The following NPIPB2 variants were observed in gnomAD, a reference collection of about 807,000 sequenced individuals.
NPIPB2 encodes nuclear pore complex interacting protein family member B2, also known as nuclear pore complex-interacting protein family member B2.
In NPIPB2, 27 loss-of-function variants were observed where a neutral mutation model predicts 30.8. That is an observed-to-expected ratio of 0.88 (90% confidence interval 0.65 to 1.21). The LOEUF (loss-of-function observed/expected upper bound fraction) is 1.21. Ranked by LOEUF, NPIPB2 falls within the 50% of genes most tolerant of loss-of-function variation. The pLI is 0.00. For missense variants in NPIPB2, 440 were observed against 446.2 expected, an observed-to-expected ratio of 0.99 and a Z score of 0.13; for synonymous variants, 147 against 162.0, an observed-to-expected ratio of 0.91 and a Z score of 0.70.
Position 11,965,211 on chromosome 16 carries a change from T to C in NPIPB2, c.-584+11357A>G. On this transcript the variant is annotated intron_variant, in intron 1 of 5. Coordinates refer to the NPIPB2 transcript ENST00000538896. ...GAACCCACGAAGCAGGCGAAGTTCA[T>C]TGTTCTCAACATTCTAGCTGCTCTT... is the stretch of plus-strand genomic sequence containing the variant. 4 of 1,423,814 alleles carry C rather than the reference T, an allele frequency of 2.8e-6. No homozygotes were observed. The South Asian group carries it at 4.0e-5, about 14-fold the overall frequency. 88.2% of individuals were successfully genotyped at this position (1,423,814 alleles called of 1,614,324 possible).
chr16:11,944,792 A>G (rs1368031687), upstream of NPIPB2, among the ~76,000 whole-genome samples: 1 of 151,634 alleles, frequency 6.6e-6, no homozygotes, highest in Non-Finnish European at 1.5e-5. Flanking sequence ...AACATATACA[A>G]AAGAAATAAA....
chr16:11,944,490 C>T (rs1487514081), upstream of NPIPB2, among the ~76,000 whole-genome samples: 8 of 151,036 alleles, frequency 5.3e-5, no homozygotes, highest in East Asian at 2.0e-4. Context: ...AGGCAGAGTG[C>T]GGTAGCTCAC....
Position 11,949,504 on chromosome 16 carries a change from T to C in NPIPB2, c.-583-7390A>G, listed in dbSNP as rs146245039. ...TCTCCTCTTGCCAGGATTTCTGCTA[T>C]TCAAATGCAGCCACAGGAATCCGAG... On this transcript the variant is annotated intron_variant, in intron 1 of 5. Transcript: ENST00000538896. Among the ~76,000 whole-genome samples, 9 of 152,324 alleles carry C rather than the reference T, an allele frequency of 5.9e-5. No homozygotes were observed. The East Asian group carries it at 1.7e-3, about 29-fold the overall frequency.
At chr16:11,969,187 T>C (rs1206274882) in intron 1 of NPIPB2, among the ~76,000 whole-genome samples, 1 of 151,826 alleles carries the variant, frequency 6.6e-6, no homozygotes, top group Non-Finnish European at 1.5e-5. Flanking sequence ...GCTTCTATGG[T>C]TAGGGCGCTT....
chr16:11,956,944 C>A (rs2150932715), intron 1 of NPIPB2, among the ~76,000 whole-genome samples: 1 of 152,252 alleles, frequency 6.6e-6, no homozygotes, highest in South Asian at 2.1e-4. Context: ...TTAGGCAGCA[C>A]CAATTGTTGC....
intron 1 of NPIPB2, chr16:11,967,793 C>G: frequency 6.2e-7 from 1 of 1,614,182 alleles, no homozygotes; most frequent in Middle Eastern, 1.6e-4. Flanking sequence ...ATTGCAAGAG[C>G]CTGCCAGCTG....
At chr16:11,960,976 C>T (rs2055149018) in intron 1 of NPIPB2, among the ~76,000 whole-genome samples, 1 of 151,942 alleles carries the variant, frequency 6.6e-6, no homozygotes. Context: ...AAACGATCCT[C>T]CTGCCTCAGC....
rs150352299 is a variant in NPIPB2, at chr16:11,967,749, G to A, written c.-584+8819C>T. The A allele has an allele frequency of 2.9e-4, 464 of 1,614,188 alleles. 3 individuals are homozygous for A. Among genetic ancestry groups the A allele is most frequent in the East Asian group, 2.5e-3 (111 of 44,886 alleles). On this transcript the variant is annotated intron_variant, in intron 1 of 5. Coordinates refer to the NPIPB2 transcript ENST00000538896. ...TCCACTCCCAGCTATGGAGGAAGGC[G>A]CAACCATTCTTGTCACCACGAAAAC...
At chr16:11,960,052 G>T (rs1237617476) in intron 1 of NPIPB2, among the ~76,000 whole-genome samples, 1 of 152,194 alleles carries the variant, frequency 6.6e-6, no homozygotes, top group African/African-American at 2.4e-5. Flanking sequence ...TGGCATTACA[G>T]GTGTGAGCCA....
At chr16:11,973,016 C>T (rs1488577199) in intron 1 of NPIPB2, among the ~76,000 whole-genome samples, 10 of 150,354 alleles carry the variant, frequency 6.7e-5, no homozygotes, top group Admixed American at 1.3e-4. Flanking sequence ...TAAAATTAGC[C>T]GGGCGCGGTG....
At chr16:11,949,681 C>T (rs1422234213) in intron 1 of NPIPB2, among the ~76,000 whole-genome samples, 1 of 152,214 alleles carries the variant, frequency 6.6e-6, no homozygotes, top group East Asian at 1.9e-4. Context: ...TGAGCCCTGG[C>T]TCACCTGAGC....
chr16:11,949,184 T>C (rs922300027), intron 1 of NPIPB2, among the ~76,000 whole-genome samples: 1 of 152,072 alleles, frequency 6.6e-6, no homozygotes, highest in African/African-American at 2.4e-5. Context: ...GAGAAAGGCT[T>C]TGGTAAGGGC....
chr16:11,946,362 G>C (rs181387596), upstream of NPIPB2, among the ~76,000 whole-genome samples: 307 of 140,188 alleles, frequency 2.2e-3, no homozygotes, highest in Non-Finnish European at 3.6e-3. Context: ...TCCAGCCTGG[G>C]CAATAAAAGC....
chr16:11,935,690 T>C (rs1430567031), intron 2 of NPIPB2, among the ~76,000 whole-genome samples: 1 of 150,464 alleles, frequency 6.6e-6, no homozygotes, highest in African/African-American at 2.5e-5. Flanking sequence ...AAAAATCATG[T>C]ACTAGGATTT....
At chr16:11,974,467 A>C (rs2055255321) in intron 1 of NPIPB2, among the ~76,000 whole-genome samples, 1 of 152,164 alleles carries the variant, frequency 6.6e-6, no homozygotes, top group Non-Finnish European at 1.5e-5. Flanking sequence ...TAGTGAGCCG[A>C]GATCGCGCCA....
exon 5 of NPIPB2, chr16:11,930,476 C>T (rs752683549): frequency 1.3e-6 from 2 of 1,578,570 alleles, no homozygotes; most frequent in Non-Finnish European, 8.5e-7. Flanking sequence ...CTTTCATATC[C>T]AATTTCCCAT....
At chr16:11,973,059 C>G (rs981575218) in intron 1 of NPIPB2, among the ~76,000 whole-genome samples, 1 of 146,934 alleles carries the variant, frequency 6.8e-6, no homozygotes, top group Non-Finnish European at 1.5e-5. Flanking sequence ...ACTCAGGAGG[C>G]TGAGGCAGGA....
chr16:11,927,474 C>G, exon 8 of NPIPB2: 3 of 1,226,846 alleles, frequency 2.4e-6, no homozygotes, highest in Non-Finnish European at 2.1e-6. Flanking sequence ...CTCTTGGGTT[C>G]GGGTGGTGAT....
rs139129569 is a variant in NPIPB2 at position 11,955,915 on chromosome 16, C to T, written c.-583-13801G>A. On this transcript the variant is annotated intron_variant, in intron 1 of 5. Transcript: ENST00000538896. ...TCTCGTTTTGCAAACAGGAAAAAAC[C>T]GGTCACCCACTTAGATGACTCAGCC... Among the ~76,000 whole-genome samples, 5 of 150,514 alleles carry T rather than the reference C, an allele frequency of 3.3e-5. No individual in the cohort carries two copies. In the East Asian group the frequency reaches 7.8e-4, roughly 24 times the overall value.
Sources: gnomAD v4.1 joint callset for allele counts (sites outside exome capture counted in the v4.1 genomes callset) on GRCh38, gnomAD v4.1.1 for gene constraint, MANE v1.5 for transcripts, NCBI Gene and HGNC (gene_info 2026-07-23, HGNC 2026-07-21) for gene names.